Variants in SLIT3 observed in about 807,000 individuals in gnomAD.
The protein encoded by SLIT3 is slit guidance ligand 3, also known as slit homolog 3 protein.
Under a neutral mutation model 184.0 loss-of-function variants are expected in SLIT3, and 68 were observed. The observed-to-expected ratio is 0.37, with a 90% CI of 0.30 to 0.45. SLIT3 has a LOEUF of 0.45. Among genes scored for constraint, SLIT3 ranks in the 20% least tolerant of loss-of-function variants. The probability of loss-of-function intolerance (pLI) is 1.00; values close to 1 mark genes in which losing one functional copy is unlikely to be tolerated. For synonymous variants in SLIT3, 831 were observed against 828.6 expected (o/e 1.00, Z -0.05); for missense variants, 1,707 against 2,026.0 (o/e 0.84, Z 3.02).
intron 4 of SLIT3, among the ~76,000 whole-genome samples, chr5:169,118,189 G>T (rs1193751244): frequency 6.6e-6 from 1 of 152,128 alleles, no homozygotes; most frequent in African/African-American, 2.4e-5. Context: ...AAAGAAATTT[G>T]TTTAAATGAT....
At chr5:169,253,113 C>A (rs1012750567) in intron 1 of SLIT3, among the ~76,000 whole-genome samples, 1 of 151,894 alleles carries the variant, frequency 6.6e-6, no homozygotes, top group Non-Finnish European at 1.5e-5. Flanking sequence ...AAGAATTACC[C>A]AGGAAAATAA....
At chr5:168,861,407 C>T (rs558488672) in intron 5 of SLIT3, among the ~76,000 whole-genome samples, 2 of 150,222 alleles carry the variant, frequency 1.3e-5, no homozygotes, top group African/African-American at 2.5e-5. Context: ...CCCTGCCCCC[C>T]GCCCCCACCA....
At chr5:168,987,385 G>T (rs1432854413) in intron 4 of SLIT3, among the ~76,000 whole-genome samples, 1 of 152,166 alleles carries the variant, frequency 6.6e-6, no homozygotes, top group Non-Finnish European at 1.5e-5. Context: ...CTCTCTAGCA[G>T]TATAGCCTAG....
chr5:169,116,319 G>A (rs1415991659), intron 4 of SLIT3, among the ~76,000 whole-genome samples: 2 of 152,188 alleles, frequency 1.3e-5, no homozygotes, highest in Non-Finnish European at 2.9e-5. Flanking sequence ...TCCCACGGAA[G>A]AAGAGTGGGA....
intron 5 of SLIT3, among the ~76,000 whole-genome samples, chr5:168,883,021 C>T (rs1346052208): frequency 6.6e-6 from 1 of 152,190 alleles, no homozygotes; most frequent in African/African-American, 2.4e-5. Context: ...TAGGGCCAGG[C>T]TCTAACTCAG....
intron 4 of SLIT3, among the ~76,000 whole-genome samples, chr5:169,101,621 T>C (rs1760018923): frequency 6.6e-6 from 1 of 152,202 alleles, no homozygotes; most frequent in Non-Finnish European, 1.5e-5. Flanking sequence ...AATGGAAATA[T>C]ACTGAGCATT....
chr5:168,865,609 G>A (rs191759064), intron 5 of SLIT3, among the ~76,000 whole-genome samples: 1 of 152,320 alleles, frequency 6.6e-6, no homozygotes, highest in African/African-American at 2.4e-5. Flanking sequence ...GAAGACAGAA[G>A]GACATTTTGG....
intron 4 of SLIT3, among the ~76,000 whole-genome samples, chr5:169,070,243 A>G (rs1758495563): frequency 6.6e-6 from 1 of 152,112 alleles, no homozygotes; most frequent in African/African-American, 2.4e-5. Flanking sequence ...AAGTAACTGG[A>G]TGTTTCTGGG....
chr5:168,961,110 A>C (rs912607154), intron 4 of SLIT3, among the ~76,000 whole-genome samples: 1 of 152,208 alleles, frequency 6.6e-6, no homozygotes, highest in Non-Finnish European at 1.5e-5. Flanking sequence ...AGGCATGGCC[A>C]TTCCTTACCT....
At chr5:169,273,601 A>T (rs1431092682) in intron 1 of SLIT3, among the ~76,000 whole-genome samples, 1 of 152,184 alleles carries the variant, frequency 6.6e-6, no homozygotes, top group Admixed American at 6.5e-5. Context: ...ACTATTTTAA[A>T]GGCCCCAGGT....
At chr5:169,122,023 A>G (rs1423841431) in intron 4 of SLIT3, among the ~76,000 whole-genome samples, 1 of 152,118 alleles carries the variant, frequency 6.6e-6, no homozygotes, top group Non-Finnish European at 1.5e-5. Context: ...CCATCCCCCA[A>G]ATGTAGGGGC....
chr5:169,119,164 A>T (rs892428690), intron 4 of SLIT3, among the ~76,000 whole-genome samples: 2 of 152,144 alleles, frequency 1.3e-5, no homozygotes, highest in African/African-American at 4.8e-5. Flanking sequence ...GAAGTCAAAG[A>T]CTCTGACCCA....
chr5:168,845,514 G>C (rs1758428558), intron 5 of SLIT3, among the ~76,000 whole-genome samples: 1 of 101,550 alleles, frequency 9.8e-6, no homozygotes, highest in Admixed American at 1.0e-4. Flanking sequence ...TTTCCATCCT[G>C]TGATCCTGTG....
At chr5:169,087,461 G>T (rs143513892) in intron 4 of SLIT3, among the ~76,000 whole-genome samples, 1 of 152,304 alleles carries the variant, frequency 6.6e-6, no homozygotes, top group South Asian at 2.1e-4. Context: ...CAAGAGAAAA[G>T]TGAGGTCAGG....
intron 20 of SLIT3, among the ~76,000 whole-genome samples, chr5:168,735,710 C>T (rs1464594413): frequency 2.1e-5 from 3 of 140,080 alleles, no homozygotes; most frequent in Non-Finnish European, 3.2e-5. Context: ...ACACACATCT[C>T]CATCCAATAA....
At chr5:169,022,909 T>A (rs967800741) in intron 4 of SLIT3, 6 of 152,100 alleles carry the variant, frequency 3.9e-5, no homozygotes, top group African/African-American at 1.2e-4. Flanking sequence ...ACAGCCCTGC[T>A]TTGTTCCACA....
chr5:168,768,921 C>T (rs1474967749), intron 14 of SLIT3, among the ~76,000 whole-genome samples: 1 of 152,138 alleles, frequency 6.6e-6, no homozygotes, highest in Admixed American at 6.5e-5. Context: ...TCTCTCTAGC[C>T]AGAGAGAAAG....
At chr5:168,883,414 C>T (rs537325845) in intron 4 of SLIT3, 78 bp from the exon 5 acceptor site, 4 of 1,110,242 alleles carry the variant, frequency 3.6e-6, no homozygotes, top group Admixed American at 1.8e-5. Context: ...TGATAACAAT[C>T]CCCCCCACCC....
At chr5:168,687,504 C>G (rs1761782702) in intron 29 of SLIT3, among the ~76,000 whole-genome samples, 1 of 152,190 alleles carries the variant, frequency 6.6e-6, no homozygotes, top group African/African-American at 2.4e-5. Flanking sequence ...CTACCATACT[C>G]CATCGTAAGG....
Sources: allele counts gnomAD v4.1 joint callset (sites outside exome capture counted in the v4.1 genomes callset), GRCh38; gene constraint gnomAD v4.1.1; transcripts MANE v1.5; gene names NCBI Gene and HGNC (gene_info 2026-07-23, HGNC 2026-07-21).